Variants in UNC13A observed in about 807,000 individuals in gnomAD.
UNC13A encodes unc-13 homolog A, also known as protein unc-13 homolog A.
In UNC13A, 61 loss-of-function variants were observed where a neutral mutation model predicts 219.7. That is an observed-to-expected ratio of 0.28 (90% CI 0.23 to 0.34). The LOEUF (loss-of-function observed/expected upper bound fraction) is 0.34. Ranked by LOEUF, UNC13A falls within the 10% of genes least tolerant of loss-of-function variation. UNC13A has a pLI of 1.00. For missense variants in UNC13A, 1,476 were observed against 2,270.3 expected, an observed-to-expected ratio of 0.65 and a Z score of 7.11; for synonymous variants, 920 against 884.6, an observed-to-expected ratio of 1.04 and a Z score of -0.71.
intron 4 of UNC13A, 92 bp downstream of exon 4, chr19:17,672,286 A>C: frequency 6.2e-6 from 6 of 971,512 alleles, no homozygotes; most frequent in Non-Finnish European, 9.6e-6. Context: ...GTCAGGGGAT[A>C]GGAGATAAAT....
intron 43 of UNC13A, among the ~76,000 whole-genome samples, chr19:17,608,513 A>G (rs1177828190): frequency 7.1e-6 from 1 of 141,014 alleles, no homozygotes; most frequent in Non-Finnish European, 1.5e-5. Context: ...TTTTATATAT[A>G]ATTATATAAT....
chr19:17,641,692 C>A, intron 20 of UNC13A, 136 bp from the exon 21 acceptor site: 1 of 828,474 alleles, frequency 1.2e-6, no homozygotes, highest in Non-Finnish European at 1.8e-6. Context: ...TTTTATCCAT[C>A]CACACACCCA....
intron 12 of UNC13A, among the ~76,000 whole-genome samples, chr19:17,650,857 C>T (rs891673511): frequency 6.6e-6 from 1 of 152,026 alleles, no homozygotes; most frequent in Non-Finnish European, 1.5e-5. Context: ...GCCTCCACCT[C>T]CTGGGCTACA....
Position 17,674,724 on chromosome 19 carries a change from G to C in UNC13A, c.85C>G (p.Gln29Glu). 1 of 1,613,974 alleles carries C rather than the reference G, an allele frequency of 6.2e-7. No homozygotes were observed. The highest frequency in any genetic ancestry group is 8.5e-7 in the Non-Finnish European group (1 of 1,179,886). The change falls in exon 3 of 44, where the codon CAG (glutamine) becomes GAG (glutamate). Residue 29 changes from glutamine (Q) to glutamate (E), a missense_variant. Coordinates refer to ENST00000519716, the MANE Select transcript of UNC13A (RefSeq NM_001080421.3). The surrounding 1 kb of genome is among the most constrained non-coding windows in gnomAD (Gnocchi z 5.0). Reference protein sequence around the residue: ...KFNTYVTLKVQNVKSTTIAVR... With the variant: ...KFNTYVTLKVENVKSTTIAVR... ...GCGATGGTCGTGCTCTTGACATTCT[G>C]CACTTTCAGGGTCACGTACGTGTTG...
At chr19:17,657,639 A>T (rs754869628) in intron 9 of UNC13A, among the ~76,000 whole-genome samples, 5 of 152,082 alleles carry the variant, frequency 3.3e-5, no homozygotes, top group Non-Finnish European at 5.9e-5. Context: ...AGCCTCGAGG[A>T]TGCTATAGGA....
intron 22 of UNC13A, 72 bp from the exon 23 acceptor site, chr19:17,639,980 G>A (rs2076951043): frequency 4.9e-6 from 7 of 1,437,582 alleles, no homozygotes; most frequent in Non-Finnish European, 6.8e-6. Flanking sequence ...AGCGCCTACT[G>A]TACAGTAAGT....
chr19:17,643,903 C>A (rs757380647), intron 19 of UNC13A, among the ~76,000 whole-genome samples: 45 of 152,058 alleles, frequency 3.0e-4, no homozygotes, highest in Non-Finnish European at 4.7e-4. Flanking sequence ...TGGGTCTGTG[C>A]CTCTCTCCTC....
At chr19:17,640,036 A>ATT (rs369769696) in intron 22 of UNC13A, 128 bp from the exon 23 acceptor site, 77 of 762,534 alleles carry the variant, frequency 1.0e-4, no homozygotes, top group Middle Eastern at 5.3e-4. Flanking sequence ...ATTCTATGGC[A>ATT]TTTTTTTTTT....
At chr19:17,663,740 T>A (rs891439289) in intron 7 of UNC13A, among the ~76,000 whole-genome samples, 173 bp from the exon 8 acceptor site, 1 of 152,188 alleles carries the variant, frequency 6.6e-6, no homozygotes, top group Admixed American at 6.5e-5. Context: ...TTGCTGTGTC[T>A]CTGCTCTCCA....
Position 17,645,981 on chromosome 19 carries a change from C to T in UNC13A, c.2175G>A (p.Glu725=), listed in dbSNP as rs1162545828. Residue 725 remains glutamate, a synonymous_variant, in exon 18 of 44, where the codon GAG becomes GAA. Transcript: ENST00000519716. ...IYGNLNPVWE[E]NFHFECHNSS... ...AGCCAGGCACTTACAAGTGGAAATTCTCCTCCCACACCGGGTTGAGGTTCC... is the reference window on the plus strand; with the variant it reads ...AGCCAGGCACTTACAAGTGGAAATTTTCCTCCCACACCGGGTTGAGGTTCC... 1.9e-6 allele frequency: 3 copies of T among 1,612,192 alleles called. No individual in the cohort carries two copies. Among genetic ancestry groups the T allele is most frequent in the Middle Eastern group, 1.7e-4 (1 of 6,060 alleles).
At chr19:17,652,958 C>T (rs2079377083) in intron 11 of UNC13A, among the ~76,000 whole-genome samples, 1 of 152,174 alleles carries the variant, frequency 6.6e-6, no homozygotes, top group Non-Finnish European at 1.5e-5. Flanking sequence ...CTCACTTGTT[C>T]ATCTGCTCTC....
intron 19 of UNC13A, among the ~76,000 whole-genome samples, chr19:17,644,629 C>G (rs960982607): frequency 3.4e-5 from 5 of 148,922 alleles, no homozygotes; most frequent in Admixed American, 6.8e-5. Flanking sequence ...CTCCTGACCT[C>G]AAGTGATCTG....
chr19:17,681,796 C>A (rs2080023746), intron 1 of UNC13A, among the ~76,000 whole-genome samples: 1 of 152,166 alleles, frequency 6.6e-6, no homozygotes. Context: ...CCCGTGTACC[C>A]TCAACGAACT....
Position 17,649,387 on chromosome 19 carries a change from A to G in UNC13A, c.1519-43T>C. The G allele has an allele frequency of 1.2e-6, 2 of 1,611,434 alleles. No individual in the cohort carries two copies. Among genetic ancestry groups the G allele is most frequent in the African/African-American group, 1.3e-5 (1 of 75,012 alleles). Reference sequence around the variant, plus strand: ...CACATGGGGGTAGAAATCAGACTACATTAGTCTCAGAGAATGCCTAGCTGG... The same window carrying G: ...CACATGGGGGTAGAAATCAGACTACGTTAGTCTCAGAGAATGCCTAGCTGG... On this transcript the variant is annotated intron_variant, in intron 13 of 43. Coordinates refer to ENST00000519716, the MANE Select transcript of UNC13A (RefSeq NM_001080421.3). The surrounding 1 kb of genome is among the most constrained non-coding windows in gnomAD (Gnocchi z 4.4).
intron 17 of UNC13A, 73 bp from the exon 18 acceptor site, chr19:17,646,184 C>T (rs181249861): frequency 4.8e-4 from 757 of 1,583,590 alleles, no homozygotes; most frequent in Non-Finnish European, 5.7e-4. Context: ...CACTGCCACA[C>T]GCTGCAGGCT....
chr19:17,643,520 T>C (rs2076993016), intron 19 of UNC13A, among the ~76,000 whole-genome samples: 2 of 152,084 alleles, frequency 1.3e-5, no homozygotes, highest in Non-Finnish European at 1.5e-5. Flanking sequence ...GGTTTCACCA[T>C]GTTGGCCAGG....
chr19:17,619,064 C>A (rs2076698901), intron 38 of UNC13A, 102 bp from the exon 39 acceptor site: 2 of 1,089,338 alleles, frequency 1.8e-6, no homozygotes, highest in African/African-American at 1.5e-5. Flanking sequence ...CTGGGCAGGG[C>A]AATAATTGTG....
At chr19:17,611,305 T>C in intron 42 of UNC13A, among the ~76,000 whole-genome samples, 1 of 151,290 alleles carries the variant, frequency 6.6e-6, no homozygotes, top group African/African-American at 2.4e-5. Context: ...CACCTCAGCC[T>C]CCTGAGTAGC....
At chr19:17,655,852 C>T in intron 10 of UNC13A, 31 bp downstream of exon 10, 1 of 1,488,182 alleles carries the variant, frequency 6.7e-7, no homozygotes, top group Non-Finnish European at 8.9e-7. Context: ...CTTGTGGCAG[C>T]CCCTCTGGCC....
Sources: allele counts gnomAD v4.1 joint callset (sites outside exome capture counted in the v4.1 genomes callset), GRCh38; gene constraint gnomAD v4.1.1; non-coding constraint Gnocchi (gnomAD v3.1); transcripts MANE v1.5; gene names NCBI Gene and HGNC (gene_info 2026-07-23, HGNC 2026-07-21).